The following SEC14L1 variants were observed in gnomAD, a reference collection of about 807,000 sequenced individuals.
SEC14L1 encodes SEC14-like protein 1.
Under a neutral mutation model 85.3 loss-of-function variants are expected in SEC14L1, and 48 were observed. The ratio of observed to expected loss-of-function variants is 0.56; its 90% CI spans 0.45 to 0.72. The LOEUF (loss-of-function observed/expected upper bound fraction) is 0.72. SEC14L1 is among the 30% of genes least tolerant of loss of function. SEC14L1 has a pLI of 0.00. For missense variants in SEC14L1, 682 were observed against 921.4 expected (o/e 0.74, Z 3.36); for synonymous variants, 391 against 355.5 (o/e 1.10, Z -1.12).
chr17:77,155,844 A>G (rs926001851), intron 3 of SEC14L1, among the ~76,000 whole-genome samples: 3 of 152,012 alleles, frequency 2.0e-5, no homozygotes, highest in Non-Finnish European at 4.4e-5. Flanking sequence ...CCTCAGCCTC[A>G]GCTGGGATTA....
At chr17:77,180,355 G>A (rs1974976724) in intron 3 of SEC14L1, among the ~76,000 whole-genome samples, 1 of 152,060 alleles carries the variant, frequency 6.6e-6, no homozygotes, top group African/African-American at 2.4e-5. Flanking sequence ...GCCTCCCAAA[G>A]TGCTGGGATT....
At chr17:77,157,067 T>G (rs997641771) in intron 3 of SEC14L1, among the ~76,000 whole-genome samples, 8 of 152,224 alleles carry the variant, frequency 5.3e-5, no homozygotes, top group African/African-American at 1.9e-4. Context: ...ATTCTTGTTT[T>G]CTTAATAAAT....
chr17:77,095,423 A>G (rs1365022237), intron 3 of SEC14L1, among the ~76,000 whole-genome samples: 1 of 152,208 alleles, frequency 6.6e-6, no homozygotes, highest in Non-Finnish European at 1.5e-5. Flanking sequence ...CTCCACCTTC[A>G]GGGTGCCACC....
At position 77,214,983 on chromosome 17, in the gene SEC14L1, C is replaced by T. The variant is rs986560742; in HGVS notation, c.*960C>T. The T allele has an allele frequency of 6.1e-6, 6 of 985,468 alleles. No individual in the cohort carries two copies. Among genetic ancestry groups the T allele is most frequent in the Non-Finnish European group, 7.2e-6 (6 of 829,982 alleles). 61.0% of individuals were successfully genotyped at this position (985,468 alleles called of 1,614,324 possible). On this transcript the variant is annotated 3_prime_UTR_variant, in exon 17 of 17. Transcript: ENST00000436233. ...TGGGGTTTTATTAGTAGCTAAGCAG[C>T]AGCTCTCGCATCCACTTCAGGGTGG...
intron 3 of SEC14L1, among the ~76,000 whole-genome samples, chr17:77,147,549 CCTTGGAGGGCGGGGAATCTGA>C (rs1167835189): frequency 7.2e-5 from 11 of 152,234 alleles, no homozygotes; most frequent in Non-Finnish European, 1.3e-4. Flanking sequence ...CTCAACCCTC[CCTTGGAGGGCGGGGAATCTGA>C]GACTCCGAGG....
intron 3 of SEC14L1, among the ~76,000 whole-genome samples, chr17:77,164,700 ATAATTG>A (rs1364339847): frequency 6.6e-6 from 1 of 152,098 alleles, no homozygotes; most frequent in Non-Finnish European, 1.5e-5. Context: ...TGCAGACATG[ATAATTG>A]GGTGGGTGCG....
Position 77,203,580 on chromosome 17 carries a change from C to A in SEC14L1, c.1020C>A (p.Pro340=). Residue 340 remains proline (P), a synonymous_variant, in exon 10 of 17, where the codon CCC becomes CCA. Transcript: ENST00000436233. Reference sequence around the variant, plus strand: ...TCCCCTCCTCTGCAGATGGGCGGCCCCTCTACGTGCTCAGGCTGGGGCAGA... The same window carrying A: ...TCCCCTCCTCTGCAGATGGGCGGCCACTCTACGTGCTCAGGCTGGGGCAGA... ...GWHHHDKDGR[P]LYVLRLGQMD... 1 of 1,613,586 alleles carries A rather than the reference C, an allele frequency of 6.2e-7. No homozygotes were observed. The highest frequency in any genetic ancestry group is 8.5e-7 in the Non-Finnish European group (1 of 1,179,838).
At chr17:77,100,064 A>G (rs923958057) in intron 3 of SEC14L1, among the ~76,000 whole-genome samples, 1 of 152,266 alleles carries the variant, frequency 6.6e-6, no homozygotes, top group African/African-American at 2.4e-5. Flanking sequence ...TGGCGCTCCC[A>G]GCGGGAGCCA....
chr17:77,198,675 C>T (rs952354925), intron 8 of SEC14L1, among the ~76,000 whole-genome samples: 5 of 150,994 alleles, frequency 3.3e-5, no homozygotes, highest in Admixed American at 6.6e-5. Context: ...CCTGGGTTCA[C>T]GCCATTCTTC....
chr17:77,090,505 TA>T (rs34751442), intron 2 of SEC14L1, among the ~76,000 whole-genome samples: 17,872 of 125,202 alleles, frequency 0.14, 1,847 homozygotes, highest in African/African-American at 0.32. Context: ...TTTTAATTAT[TA>T]AAAAAAAAAA....
chr17:77,169,867 A>AG (rs1426355493), intron 3 of SEC14L1, among the ~76,000 whole-genome samples: 5 of 152,160 alleles, frequency 3.3e-5, no homozygotes, highest in African/African-American at 1.2e-4. Context: ...TGACAGGTGG[A>AG]GGGGGTTGTA....
At chr17:77,177,370 A>G (rs1598349416) in intron 3 of SEC14L1, among the ~76,000 whole-genome samples, 1 of 147,454 alleles carries the variant, frequency 6.8e-6, no homozygotes, top group African/African-American at 2.5e-5. Flanking sequence ...TAAATGCAAA[A>G]GATACAATTG....
chr17:77,212,930 A>G (rs917579533), intron 15 of SEC14L1, among the ~76,000 whole-genome samples: 2 of 152,246 alleles, frequency 1.3e-5, no homozygotes, highest in African/African-American at 4.8e-5. Flanking sequence ...AGCCCCGAAC[A>G]TGCTGGATGA....
intron 3 of SEC14L1, among the ~76,000 whole-genome samples, chr17:77,099,678 C>T (rs1046026456): frequency 1.1e-4 from 17 of 152,114 alleles, no homozygotes; most frequent in African/African-American, 4.1e-4. Context: ...ATCACTTGAA[C>T]GTGGGAGGTG....
intron 3 of SEC14L1, among the ~76,000 whole-genome samples, chr17:77,154,121 A>G (rs2143587510): frequency 6.6e-6 from 1 of 152,326 alleles, no homozygotes; most frequent in African/African-American, 2.4e-5. Flanking sequence ...TGCAACAACT[A>G]TTTACATAGC....
chr17:77,099,782 CGTG>C (rs1971724955), intron 3 of SEC14L1, among the ~76,000 whole-genome samples: 1 of 152,080 alleles, frequency 6.6e-6, no homozygotes, highest in African/African-American at 2.4e-5. Flanking sequence ...TCCTAAGGTA[CGTG>C]AGTCTCCTTC....
chr17:77,200,817 C>A, intron 9 of SEC14L1, 144 bp downstream of exon 9: 2 of 771,266 alleles, frequency 2.6e-6, no homozygotes, highest in Non-Finnish European at 4.1e-6. Flanking sequence ...GCACCTTTCC[C>A]AAGTTGAACA....
At chr17:77,122,051 C>T (rs1271301422) in intron 3 of SEC14L1, among the ~76,000 whole-genome samples, 2 of 152,164 alleles carry the variant, frequency 1.3e-5, no homozygotes, top group Non-Finnish European at 2.9e-5. Flanking sequence ...CAAACATTCC[C>T]AGAATAGATG....
chr17:77,105,370 A>ACCC (rs1321853423), intron 3 of SEC14L1, among the ~76,000 whole-genome samples: 16 of 30,630 alleles, frequency 5.2e-4, no homozygotes, highest in African/African-American at 1.6e-3. Flanking sequence ...CTCCTCGCTG[A>ACCC]CCACCCCCCC....
Sources: allele counts gnomAD v4.1 joint callset (sites outside exome capture counted in the v4.1 genomes callset), GRCh38; gene constraint gnomAD v4.1.1; transcripts MANE v1.5; gene names NCBI Gene and HGNC (gene_info 2026-07-23, HGNC 2026-07-21).